Variants in STARD9 observed in about 807,000 individuals in gnomAD.
The protein encoded by STARD9 is StAR related lipid transfer domain containing 9, also known as stAR-related lipid transfer protein 9.
Under a neutral mutation model 399.8 loss-of-function variants are expected in STARD9, and 346 were observed. The ratio of observed to expected loss-of-function variants is 0.87; its 90% confidence interval spans 0.79 to 0.95. STARD9 has a LOEUF of 0.95. STARD9 is among the 40% of genes least tolerant of loss of function. The probability of loss-of-function intolerance (pLI) is 0.00; values close to 1 mark genes in which losing one functional copy is unlikely to be tolerated. For synonymous variants in STARD9, 2,203 were observed against 2,143.5 expected (o/e 1.03, Z -0.77); for missense variants, 5,832 against 5,667.5 (o/e 1.03, Z -0.93).
At chr15:42,683,311 A>G (rs963927706) in intron 22 of STARD9, among the ~76,000 whole-genome samples, 2 of 152,258 alleles carry the variant, frequency 1.3e-5, no homozygotes, top group African/African-American at 4.8e-5. Context: ...ACATATGCCA[A>G]GTTGGAAGAA....
rs1043292704 is a variant in STARD9, at chr15:42,674,873, T to C, written c.1596T>C (p.Ser532=). The C allele has an allele frequency of 8.5e-6, 13 of 1,536,886 alleles. No homozygotes were observed. The highest frequency in any genetic ancestry group is 1.7e-4 in the Middle Eastern group (1 of 6,012). The part of the protein sequence containing the change: ...WIERDHCTIT[S]ACGVVVLRPA... ...AGAGAGACCACTGCACTATCACCAG[T>C]GCCTGTGGTGTAGTTGTTCTACGAC... Residue 532 remains serine, a synonymous_variant, in exon 18 of 33, where the codon AGT becomes AGC. Coordinates refer to ENST00000290607, the MANE Select transcript of STARD9 (RefSeq NM_020759.3).
intron 3 of STARD9, among the ~76,000 whole-genome samples, chr15:42,588,127 A>G (rs1462725508): frequency 5.9e-5 from 9 of 152,174 alleles, no homozygotes. Flanking sequence ...GCTGTTCTGT[A>G]CATAAGAGGA....
At chr15:42,699,795 C>G (rs2060926689) in intron 26 of STARD9, among the ~76,000 whole-genome samples, 1 of 152,094 alleles carries the variant, frequency 6.6e-6, no homozygotes, top group Non-Finnish European at 1.5e-5. Context: ...CAACCTCCGT[C>G]TCCCGGGTTC....
chr15:42,618,824 G>C (rs1158635994), intron 3 of STARD9, among the ~76,000 whole-genome samples: 1 of 151,270 alleles, frequency 6.6e-6, no homozygotes, highest in East Asian at 1.9e-4. Flanking sequence ...CACCTGCCTC[G>C]GCCTTTCAAA....
At chr15:42,638,913 C>T (rs1348304896) in intron 7 of STARD9, 101 bp downstream of exon 7, 3 of 616,650 alleles carry the variant, frequency 4.9e-6, no homozygotes, top group Non-Finnish European at 8.3e-6. Flanking sequence ...GAACACTTAT[C>T]GTGTGCCAGC....
At chr15:42,585,012 A>G (rs978571885) in intron 2 of STARD9, among the ~76,000 whole-genome samples, 1 of 152,232 alleles carries the variant, frequency 6.6e-6, no homozygotes, top group Non-Finnish European at 1.5e-5. Flanking sequence ...TTTCATGAAC[A>G]AAATTATTAA....
Position 42,687,950 on chromosome 15 carries a change from C to G in STARD9, c.6372C>G (p.Val2124=). The G allele has an allele frequency of 2.0e-6, 3 of 1,537,376 alleles. No homozygotes were observed. The highest frequency in any genetic ancestry group is 2.6e-6 in the Non-Finnish European group (3 of 1,146,970). ...PSSPRQTDDT[V]FRDSEAGAME... is the part of the protein sequence containing the mutation. ...CTCCAAGACAGACAGATGATACTGT[C>G]TTTAGGGATAGTGAAGCTGGAGCGA... Residue 2124 remains valine (V), a synonymous_variant, in exon 23 of 33, where the codon GTC becomes GTG. Transcript: ENST00000290607.
At chr15:42,575,833 C>T (rs2058041704) in intron 1 of STARD9, 71 bp downstream of exon 1, 4 of 1,459,544 alleles carry the variant, frequency 2.7e-6, no homozygotes, top group Non-Finnish European at 3.7e-6. Flanking sequence ...CGCGTCTCCC[C>T]CTGCAGAGAT....
rs530547541 is a variant in STARD9 at position 42,692,055 on chromosome 15, G to T, written c.10477G>T (p.Asp3493Tyr). 4.0e-5 allele frequency: 62 copies of T among 1,537,218 alleles called. No homozygotes were observed. In the African/African-American group the frequency reaches 7.0e-4, roughly 17 times the overall value. The part of the protein sequence containing the change: ...WKQYMSGSAV[D>Y]VSCSQKPQGL... The stretch of plus-strand genomic sequence containing the variant: ...GCAGTATATGTCTGGCAGTGCAGTC[G>T]ATGTTTCCTGCAGCCAGAAGCCCCA... Residue 3493 changes from aspartate (D) to tyrosine (Y), a missense_variant, in exon 23 of 33, where the codon GAT (aspartate) becomes TAT (tyrosine). This residue lies in a region of STARD9 where 5,828 missense variants were observed against 5,651.1 expected (regional missense o/e 1.03). Coordinates refer to ENST00000290607, the MANE Select transcript of STARD9 (RefSeq NM_020759.3).
intron 3 of STARD9, among the ~76,000 whole-genome samples, chr15:42,588,554 C>A (rs966520926): frequency 1.4e-4 from 22 of 152,068 alleles, no homozygotes; most frequent in African/African-American, 5.3e-4. Flanking sequence ...CTGTCACAAG[C>A]TGGAGTGGAG....
rs764450297 is a variant in STARD9, at chr15:42,690,188, A to G, written c.8610A>G (p.Thr2870=). The G allele has an allele frequency of 4.6e-6, 7 of 1,537,790 alleles. No individual in the cohort carries two copies. In the South Asian group the frequency reaches 7.1e-5, roughly 16 times the overall value. Residue 2870 remains threonine (T), a synonymous_variant, in exon 23 of 33, where the codon ACA becomes ACG. Transcript: ENST00000290607. ...CAAGGGTTGCACTGGAAGCTCCCACACAGCAGTGTGTGCAGTGTAAGGAGA... is the reference window on the plus strand; with the variant it reads ...CAAGGGTTGCACTGGAAGCTCCCACGCAGCAGTGTGTGCAGTGTAAGGAGA... ...ALTRVALEAP[T]QQCVQCKESV...
At chr15:42,600,610 CTG>C (rs1282289874) in intron 3 of STARD9, among the ~76,000 whole-genome samples, 36 of 151,382 alleles carry the variant, frequency 2.4e-4, no homozygotes, top group South Asian at 2.1e-4. Flanking sequence ...ACTGCAACCT[CTG>C]CCTCCCGGGT....
At chr15:42,662,385 A>G (rs983822333) in intron 10 of STARD9, among the ~76,000 whole-genome samples, 2 of 152,220 alleles carry the variant, frequency 1.3e-5, no homozygotes, top group Admixed American at 6.5e-5. Context: ...TGAATTTTTA[A>G]TATTTCCCAT....
chr15:42,681,996 C>T, intron 21 of STARD9, 108 bp from the exon 22 acceptor site: 1 of 749,804 alleles, frequency 1.3e-6, no homozygotes, highest in Non-Finnish European at 2.1e-6. Context: ...CCTTGGCCAG[C>T]TCTTTCACTC....
At chr15:42,620,622 T>G (rs1306128025) in intron 3 of STARD9, among the ~76,000 whole-genome samples, 1 of 152,236 alleles carries the variant, frequency 6.6e-6, no homozygotes. Context: ...TTTAGTTATC[T>G]TAACTCTAGT....
intron 3 of STARD9, among the ~76,000 whole-genome samples, chr15:42,596,851 A>G (rs2058515763): frequency 6.6e-6 from 1 of 152,226 alleles, no homozygotes; most frequent in South Asian, 2.1e-4. Context: ...AAATATTCGA[A>G]CAGTACAGAA....
At chr15:42,708,751 A>C (rs2061144329) in intron 26 of STARD9, among the ~76,000 whole-genome samples, 1 of 151,756 alleles carries the variant, frequency 6.6e-6, no homozygotes, top group African/African-American at 2.4e-5. Flanking sequence ...TGAGACATGT[A>C]TGTGAAAACC....
At chr15:42,699,744 T>C (rs1380858020) in intron 26 of STARD9, among the ~76,000 whole-genome samples, 18 of 150,632 alleles carry the variant, frequency 1.2e-4, no homozygotes. Flanking sequence ...TCTCACTCTG[T>C]TGCCCAAGCT....
At chr15:42,680,715 C>T (rs540009391) in intron 20 of STARD9, among the ~76,000 whole-genome samples, 1 of 152,188 alleles carries the variant, frequency 6.6e-6, no homozygotes, top group African/African-American at 2.4e-5. Context: ...CACTCACTCT[C>T]CCTCATTCCC....
Sources: allele counts gnomAD v4.1 joint callset (sites outside exome capture counted in the v4.1 genomes callset), GRCh38; gene constraint gnomAD v4.1.1; regional missense constraint gnomAD v4.1.1; transcripts MANE v1.5; gene names NCBI Gene and HGNC (gene_info 2026-07-23, HGNC 2026-07-21).